Variants in ANTXR2 observed in about 807,000 individuals in gnomAD.
ANTXR2 encodes the protein ANTXR cell adhesion molecule 2, also known as anthrax toxin receptor 2.
Under a neutral mutation model 73.7 loss-of-function variants are expected in ANTXR2, and 44 were observed. The observed-to-expected ratio is 0.60, with a 90% CI of 0.47 to 0.77. The LOEUF is 0.77. Ranked by LOEUF, ANTXR2 falls within the 30% of genes least tolerant of loss-of-function variation. The pLI is 0.00. For missense variants in ANTXR2, 604 were observed against 592.5 expected (o/e 1.02, Z -0.20); for synonymous variants, 217 against 205.9 (o/e 1.05, Z -0.46).
At chr4:79,923,285 A>G (rs1456714293) in intron 16 of ANTXR2, among the ~76,000 whole-genome samples, 1 of 152,166 alleles carries the variant, frequency 6.6e-6, no homozygotes, top group Non-Finnish European at 1.5e-5. Flanking sequence ...TACAAACACA[A>G]AACTATAAAA....
chr4:80,034,318 TACTA>T (rs969696179), intron 8 of ANTXR2, among the ~76,000 whole-genome samples: 2 of 152,254 alleles, frequency 1.3e-5, no homozygotes, highest in East Asian at 3.9e-4. Flanking sequence ...CAAGATAGTA[TACTA>T]ACTATTTTAA....
At chr4:79,995,185 T>C (rs185264927) in intron 12 of ANTXR2, among the ~76,000 whole-genome samples, 84 of 152,192 alleles carry the variant, frequency 5.5e-4, no homozygotes, top group African/African-American at 1.8e-3. Context: ...AAATTATCAC[T>C]GAAAATTACA....
In ANTXR2 at chr4:79,901,559, A is replaced by G. The variant is rs1328438044; in HGVS notation, c.*5870T>C. The stretch of plus-strand genomic sequence containing the variant: ...CCACGGACCAGTTTCGTGGAAGCCA[A>G]TTTTTCCACAGACCGGGGGGTGGGG... On this transcript the variant is annotated 3_prime_UTR_variant, in exon 17 of 17. Transcript: ENST00000403729. 9.5e-6 allele frequency: 1 copy of G among 105,636 alleles called. No homozygotes were observed. The highest frequency in any genetic ancestry group is 1.7e-5 in the Non-Finnish European group (1 of 57,846). The allele number at this position is 105,636 out of a possible 1,614,324, so 6.5% of individuals were successfully genotyped here.
chr4:79,926,952 T>TATAC (rs1553925967), intron 16 of ANTXR2, among the ~76,000 whole-genome samples: 45 of 95,802 alleles, frequency 4.7e-4, no homozygotes, highest in African/African-American at 1.4e-3. Context: ...TGTGTATATA[T>TATAC]ACGTGTGCAT....
At chr4:79,928,162 A>G (rs748046267) in intron 16 of ANTXR2, among the ~76,000 whole-genome samples, 1 of 152,224 alleles carries the variant, frequency 6.6e-6, no homozygotes, top group Non-Finnish European at 1.5e-5. Flanking sequence ...CATACAATGA[A>G]GTATTATTCA....
rs975561585 is a variant in ANTXR2 at position 79,905,300 on chromosome 4, T to C, written c.*2129A>G. 2 of 152,170 alleles carry C rather than the reference T, an allele frequency of 1.3e-5. No homozygotes were observed. Among genetic ancestry groups the C allele is most frequent in the African/African-American group, 2.4e-5 (1 of 41,456 alleles). 9.4% of individuals were successfully genotyped at this position (152,170 alleles called of 1,614,324 possible). ...TGGTGTGCACTCATCAGAAATGAAGTGCCCATTTAAGGAAGCCACATTAGG... is the reference window on the plus strand; with the variant it reads ...TGGTGTGCACTCATCAGAAATGAAGCGCCCATTTAAGGAAGCCACATTAGG... On this transcript the variant is annotated 3_prime_UTR_variant, in exon 17 of 17. Transcript: ENST00000403729.
chr4:80,034,191 AC>A (rs1732847653), intron 8 of ANTXR2, among the ~76,000 whole-genome samples: 1 of 152,074 alleles, frequency 6.6e-6, no homozygotes, highest in African/African-American at 2.4e-5. Flanking sequence ...AACTTATTGT[AC>A]CATTATTTAT....
intron 13 of ANTXR2, 69 bp from the exon 14 acceptor site, chr4:79,984,039 C>G: frequency 3.6e-6 from 4 of 1,106,764 alleles, no homozygotes; most frequent in Non-Finnish European, 5.1e-6. Flanking sequence ...GGAACTGGCT[C>G]ATATTTAAAT....
chr4:80,055,114 G>A lies in ANTXR2; in HGVS notation c.555+36C>T, dbSNP rs750769919. On this transcript the variant is annotated intron_variant, in intron 6 of 16. Coordinates refer to ENST00000403729, the MANE Select transcript of ANTXR2 (RefSeq NM_058172.6). ...AAACTATCCTTAAGACAATTATGTG[G>A]TTCAGATTAAAGTTTGCAGATCTCT... 6.6e-6 allele frequency: 10 copies of A among 1,510,016 alleles called. No individual in the cohort carries two copies. The South Asian group carries it at 1.2e-4, about 18-fold the overall frequency. The allele number at this position is 1,510,016 out of a possible 1,614,324, so 93.5% of individuals were successfully genotyped here.
chr4:79,913,837 C>T (rs1244827806), intron 16 of ANTXR2, among the ~76,000 whole-genome samples: 1 of 152,136 alleles, frequency 6.6e-6, no homozygotes, highest in African/African-American at 2.4e-5. Flanking sequence ...GGCACAACTG[C>T]AGGCCTCTCA....
chr4:80,055,031 A>C (rs1198690766), intron 6 of ANTXR2, 119 bp downstream of exon 6: 2 of 900,070 alleles, frequency 2.2e-6, no homozygotes, highest in African/African-American at 1.7e-5. Context: ...AGCCATTTCT[A>C]TAAAAAATCT....
intron 16 of ANTXR2, among the ~76,000 whole-genome samples, chr4:79,965,444 AC>A (rs1022131323): frequency 6.6e-6 from 1 of 152,202 alleles, no homozygotes; most frequent in African/African-American, 2.4e-5. Flanking sequence ...TTACTTCTTG[AC>A]AATACACATC....
In ANTXR2 at chr4:79,907,347, A is replaced by C. The variant is rs1289568222; in HGVS notation, c.*82T>G. The C allele has an allele frequency of 6.9e-7, 1 of 1,448,736 alleles. No homozygotes were observed. Among genetic ancestry groups the C allele is most frequent in the Admixed American group, 1.8e-5 (1 of 56,682 alleles). 89.7% of individuals were successfully genotyped at this position (1,448,736 alleles called of 1,614,324 possible). On this transcript the variant is annotated 3_prime_UTR_variant, in exon 17 of 17. Transcript: ENST00000403729. ...GCTCTTCCAAAAGCTTCTGAAATGC[A>C]CTTGATTTTTTTCATTTGGTTGAAA...
chr4:79,953,658 A>G (rs1459140884), intron 16 of ANTXR2, among the ~76,000 whole-genome samples: 6 of 152,056 alleles, frequency 3.9e-5, no homozygotes, highest in Non-Finnish European at 2.9e-5. Context: ...TAATATTAAG[A>G]CTAACATGTT....
intron 12 of ANTXR2, among the ~76,000 whole-genome samples, chr4:80,000,877 A>G (rs1422788909): frequency 8.6e-5 from 13 of 152,026 alleles, no homozygotes. Context: ...CAATAGTTCA[A>G]TATCTGAATA....
intron 16 of ANTXR2, among the ~76,000 whole-genome samples, chr4:79,955,795 C>T (rs139489029): frequency 1.3e-5 from 2 of 152,154 alleles, no homozygotes; most frequent in Non-Finnish European, 2.9e-5. Flanking sequence ...GAGATCCCAA[C>T]TCCCCTGACT....
At chr4:79,921,563 C>A (rs1015226322) in intron 16 of ANTXR2, among the ~76,000 whole-genome samples, 4 of 152,064 alleles carry the variant, frequency 2.6e-5, no homozygotes, top group African/African-American at 9.7e-5. Context: ...TATAAAACTT[C>A]ACTTTAAGTT....
At chr4:80,062,323 G>A (rs1054191110) in intron 3 of ANTXR2, among the ~76,000 whole-genome samples, 3 of 152,072 alleles carry the variant, frequency 2.0e-5, no homozygotes, top group South Asian at 2.1e-4. Context: ...GGCCTGCTGC[G>A]TTTTGCATAC....
intron 16 of ANTXR2, among the ~76,000 whole-genome samples, chr4:79,951,508 G>A (rs1407709940): frequency 1.3e-5 from 2 of 151,952 alleles, no homozygotes; most frequent in African/African-American, 2.4e-5. Context: ...CCTGGGAGGC[G>A]GAGGTTGCAG....
Sources: gnomAD v4.1 joint callset for allele counts (sites outside exome capture counted in the v4.1 genomes callset) on GRCh38, gnomAD v4.1.1 for gene constraint, MANE v1.5 for transcripts, NCBI Gene and HGNC (gene_info 2026-07-23, HGNC 2026-07-21) for gene names.